Variants in GRID2 observed in about 807,000 individuals in gnomAD.
GRID2 encodes glutamate ionotropic receptor delta type subunit 2.
Under a neutral mutation model 114.8 loss-of-function variants are expected in GRID2, and 33 were observed. That is an observed-to-expected ratio of 0.29 (90% CI 0.22 to 0.38). GRID2 has a LOEUF of 0.38. Among genes scored for constraint, GRID2 ranks in the 10% least tolerant of loss-of-function variants. The pLI is 1.00. For missense variants in GRID2, 1,184 were observed against 1,257.7 expected, an observed-to-expected ratio of 0.94 and a Z score of 0.89; for synonymous variants, 505 against 449.9, an observed-to-expected ratio of 1.12 and a Z score of -1.55.
At chr4:93,429,311 G>T (rs1426437567) in intron 10 of GRID2, among the ~76,000 whole-genome samples, 1 of 152,174 alleles carries the variant, frequency 6.6e-6, no homozygotes, top group Non-Finnish European at 1.5e-5. Context: ...ATAGGTTTAA[G>T]AGAAAACAGG....
intron 10 of GRID2, among the ~76,000 whole-genome samples, chr4:93,425,342 T>C (rs1768738227): frequency 6.6e-6 from 1 of 152,208 alleles, no homozygotes; most frequent in African/African-American, 2.4e-5. Context: ...GATTTAGCTT[T>C]AAACATTGTT....
chr4:92,792,895 T>G (rs1189568465), intron 2 of GRID2, among the ~76,000 whole-genome samples: 1 of 112,788 alleles, frequency 8.9e-6, no homozygotes, highest in Non-Finnish European at 1.8e-5. Flanking sequence ...TAATATCCAT[T>G]TTTTTTTTTT....
intron 2 of GRID2, among the ~76,000 whole-genome samples, chr4:92,661,046 T>C (rs758727036): frequency 1.3e-5 from 2 of 150,834 alleles, no homozygotes; most frequent in Non-Finnish European, 3.0e-5. Context: ...GTCAAGTGGA[T>C]AAATCTTTAA....
intron 14 of GRID2, among the ~76,000 whole-genome samples, chr4:93,716,524 G>C (rs1388920379): frequency 1.3e-5 from 2 of 151,916 alleles, no homozygotes; most frequent in African/African-American, 4.8e-5. Context: ...TGTAATAGTG[G>C]AATCCACTTT....
At chr4:93,250,943 G>A (rs1424891418) in intron 8 of GRID2, among the ~76,000 whole-genome samples, 1 of 151,594 alleles carries the variant, frequency 6.6e-6, no homozygotes, top group African/African-American at 2.4e-5. Context: ...TTGAGGGGAG[G>A]TTATTCAAAT....
intron 1 of GRID2, among the ~76,000 whole-genome samples, chr4:92,415,754 A>G (rs866173668): frequency 0.021 from 2,648 of 124,132 alleles, 116 homozygotes; most frequent in African/African-American, 0.067. Flanking sequence ...ATATATATAT[A>G]TATATATATA....
intron 2 of GRID2, among the ~76,000 whole-genome samples, chr4:92,680,091 C>A (rs980296943): frequency 6.6e-6 from 1 of 151,894 alleles, no homozygotes; most frequent in African/African-American, 2.4e-5. Flanking sequence ...AGGAAGAACT[C>A]TTTACTGGAG....
intron 14 of GRID2, among the ~76,000 whole-genome samples, chr4:93,767,334 T>C (rs1733751929): frequency 3.9e-5 from 6 of 152,194 alleles, no homozygotes; most frequent in Admixed American, 1.3e-4. Context: ...AATGCACTTT[T>C]GGAAATTCTG....
intron 2 of GRID2, among the ~76,000 whole-genome samples, chr4:93,074,903 G>T (rs939276498): frequency 6.6e-6 from 1 of 152,030 alleles, no homozygotes; most frequent in Non-Finnish European, 1.5e-5. Flanking sequence ...AAATATAAAC[G>T]TTACCAAAGC....
chr4:93,654,721 C>T (rs1487295441), intron 14 of GRID2, among the ~76,000 whole-genome samples: 1 of 151,950 alleles, frequency 6.6e-6, no homozygotes. Context: ...ACCCAAAAAC[C>T]CATTCATAAA....
intron 4 of GRID2, among the ~76,000 whole-genome samples, chr4:93,114,740 T>C (rs991961110): frequency 6.6e-6 from 1 of 152,114 alleles, no homozygotes; most frequent in African/African-American, 2.4e-5. Context: ...GCTGACCCTA[T>C]TAGTGCTGGG....
At chr4:93,049,113 A>G (rs1454956409) in intron 2 of GRID2, among the ~76,000 whole-genome samples, 2 of 152,034 alleles carry the variant, frequency 1.3e-5, no homozygotes, top group Non-Finnish European at 2.9e-5. Context: ...CAATAAAATA[A>G]TGGGAATTAA....
At chr4:92,931,015 A>T (rs1399567742) in intron 2 of GRID2, among the ~76,000 whole-genome samples, 1 of 151,086 alleles carries the variant, frequency 6.6e-6, no homozygotes, top group African/African-American at 2.4e-5. Flanking sequence ...AATGTGTTTC[A>T]TGAGGCAGCA....
chr4:92,460,146 GAACA>G (rs1241839959), intron 1 of GRID2, among the ~76,000 whole-genome samples: 3 of 147,138 alleles, frequency 2.0e-5, no homozygotes, highest in African/African-American at 7.6e-5. Flanking sequence ...ATAATAATTT[GAACA>G]AACAAATAAA....
At chr4:93,450,033 T>G (rs1722530023) in intron 10 of GRID2, among the ~76,000 whole-genome samples, 1 of 151,952 alleles carries the variant, frequency 6.6e-6, no homozygotes, top group African/African-American at 2.4e-5. Flanking sequence ...TATTTGACCT[T>G]AAATTTAGCA....
At chr4:92,527,504 T>C (rs192455206) in intron 1 of GRID2, among the ~76,000 whole-genome samples, 66 of 152,170 alleles carry the variant, frequency 4.3e-4, no homozygotes, top group Non-Finnish European at 7.4e-4. Context: ...AAAAGGGAGA[T>C]ACAGTATTAC....
At chr4:93,779,794 TTGGGAAGAA>T (rs1438927611) in intron 1 of GRID2, among the ~76,000 whole-genome samples, 3 of 152,066 alleles carry the variant, frequency 2.0e-5, no homozygotes, top group Non-Finnish European at 4.4e-5. Flanking sequence ...AGGACAAGCG[TTGGGAAGAA>T]TGTTCAGAGG....
At chr4:93,099,239 A>G (rs1731495501) in intron 3 of GRID2, among the ~76,000 whole-genome samples, 1 of 151,866 alleles carries the variant, frequency 6.6e-6, no homozygotes, top group African/African-American at 2.4e-5. Context: ...TCTTACTTAT[A>G]AGAAAAATTA....
intron 1 of GRID2, among the ~76,000 whole-genome samples, chr4:92,438,223 C>T (rs1259994621): frequency 6.6e-6 from 1 of 151,620 alleles, no homozygotes; most frequent in African/African-American, 2.4e-5. Flanking sequence ...TACAATTTAT[C>T]TGCTGGTTTG....
Sources: allele counts gnomAD v4.1 joint callset (sites outside exome capture counted in the v4.1 genomes callset), GRCh38; gene constraint gnomAD v4.1.1; transcripts MANE v1.5; gene names NCBI Gene and HGNC (gene_info 2026-07-23, HGNC 2026-07-21).